The following PRKN variants were observed in gnomAD, a reference collection of about 807,000 sequenced individuals.
The protein encoded by PRKN is parkin RBR E3 ubiquitin protein ligase, also known as E3 ubiquitin-protein ligase parkin.
In PRKN, 56 loss-of-function variants were observed where a neutral mutation model predicts 59.5. The ratio of observed to expected loss-of-function variants is 0.94; its 90% CI spans 0.76 to 1.18. The LOEUF (loss-of-function observed/expected upper bound fraction) is 1.18, where lower values mean the gene tolerates loss of function less well. Among genes scored for constraint, PRKN ranks in the 50% most tolerant of loss-of-function variants. PRKN has a pLI of 0.00. For synonymous variants in PRKN, 250 were observed against 222.1 expected (o/e 1.13, Z -1.12); for missense variants, 657 against 596.4 (o/e 1.10, Z -1.06).
rs189506059 is a variant in PRKN, at chr6:162,449,421, G to A, written c.8-5948C>T. ...ATTTGTGGTGGAACACAAATCTCTAGAACTGCATCTTTGGACTCATAGCTC... is the reference window on the plus strand; with the variant it reads ...ATTTGTGGTGGAACACAAATCTCTAAAACTGCATCTTTGGACTCATAGCTC... On this transcript the variant is annotated intron_variant, in intron 1 of 11. Coordinates refer to ENST00000366898, the MANE Select transcript of PRKN (RefSeq NM_004562.3). Among the ~76,000 whole-genome samples, 366 of 152,214 alleles carry A rather than the reference G, an allele frequency of 2.4e-3. 4 individuals carry two copies. Among genetic ancestry groups the A allele is most frequent in the Admixed American group, 4.9e-3 (75 of 15,282 alleles).
chr6:162,563,467 T>C (rs1002723068), intron 1 of PRKN, among the ~76,000 whole-genome samples: 1 of 152,138 alleles, frequency 6.6e-6, no homozygotes, highest in Non-Finnish European at 1.5e-5. Flanking sequence ...GGGCTTGGGG[T>C]TCCCCCTAAA....
intron 2 of PRKN, among the ~76,000 whole-genome samples, chr6:162,411,791 C>T (rs948535560): frequency 6.6e-6 from 1 of 152,074 alleles, no homozygotes; most frequent in South Asian, 2.1e-4. Context: ...TCAAGGGCCA[C>T]CGTCTTTTTC....
In PRKN at chr6:161,377,481, TA is replaced by T. The variant is rs1785765760; in HGVS notation, c.1167+9312del. ...GGTTCACAATTGAGTTAGCTTAACATACGGCTGCAAGCCAAAAATGCACTGT... is the reference window on the plus strand; with the variant it reads ...GGTTCACAATTGAGTTAGCTTAACATCGGCTGCAAGCCAAAAATGCACTGT... On this transcript the variant is annotated intron_variant, in intron 10 of 11. Coordinates refer to ENST00000366898, the MANE Select transcript of PRKN (RefSeq NM_004562.3). The surrounding 1 kb of genome is among the most constrained non-coding windows in gnomAD (Gnocchi z 4.2). 6.6e-6 allele frequency among the ~76,000 whole-genome samples: 1 copy of T among 152,234 alleles called. No homozygotes were observed. The highest frequency in any genetic ancestry group is 6.5e-5 in the Admixed American group (1 of 15,290).
In PRKN at chr6:161,508,540, G is replaced by T. The variant is rs555296378; in HGVS notation, c.1083+40314C>A. On this transcript the variant is annotated intron_variant, in intron 9 of 11. Transcript: ENST00000366898. ...CCATATTGTAAGATCATTTCCATTTGCTCTGTCCTCAGCAGAGCAGGAAAA... is the reference window on the plus strand; with the variant it reads ...CCATATTGTAAGATCATTTCCATTTTCTCTGTCCTCAGCAGAGCAGGAAAA... Among the ~76,000 whole-genome samples, 3 of 152,172 alleles carry T rather than the reference G, an allele frequency of 2.0e-5. No homozygotes were observed. The South Asian group carries it at 6.2e-4, about 32-fold the overall frequency.
intron 6 of PRKN, among the ~76,000 whole-genome samples, chr6:161,948,883 A>G (rs1779880139): frequency 6.6e-6 from 1 of 152,218 alleles, no homozygotes; most frequent in South Asian, 2.1e-4. Flanking sequence ...TGGGCCTGCC[A>G]TTATCCGTAC....
At chr6:162,297,161 G>C (rs1216777044) in intron 2 of PRKN, among the ~76,000 whole-genome samples, 1 of 146,536 alleles carries the variant, frequency 6.8e-6, no homozygotes, top group African/African-American at 2.5e-5. Flanking sequence ...TCAGATTCTA[G>C]AATTTTTCTT....
chr6:162,490,785 C>T (rs1454545927), intron 1 of PRKN, among the ~76,000 whole-genome samples: 1 of 152,150 alleles, frequency 6.6e-6, no homozygotes, highest in Non-Finnish European at 1.5e-5. Flanking sequence ...TCAGGAAAAG[C>T]GTTGAGAGCA....
chr6:161,644,662 A>G (rs1007265288), intron 7 of PRKN, among the ~76,000 whole-genome samples: 3 of 152,262 alleles, frequency 2.0e-5, no homozygotes, highest in African/African-American at 7.2e-5. Flanking sequence ...GGTTTTGGCT[A>G]AGCCAGGGAA....
intron 5 of PRKN, among the ~76,000 whole-genome samples, chr6:162,021,122 ATATATATATATATATAT>A (rs1562465309): frequency 0.029 from 95 of 3,272 alleles, 6 homozygotes; most frequent in African/African-American, 0.065. Context: ...ACAAAAACAT[ATATATATATATATATAT>A]ATATATATAT....
intron 4 of PRKN, among the ~76,000 whole-genome samples, chr6:162,174,602 T>A (rs1284264625): frequency 6.6e-6 from 1 of 152,224 alleles, no homozygotes; most frequent in Non-Finnish European, 1.5e-5. Context: ...ATTTATATAA[T>A]CATTTATCCA....
rs1170029807 is a variant in PRKN at position 161,397,008 on chromosome 6, G to A, written c.1084-10131C>T. Among the ~76,000 whole-genome samples the A allele has an allele frequency of 6.6e-6, 1 of 152,148 alleles. No individual in the cohort carries two copies. Among genetic ancestry groups the A allele is most frequent in the Non-Finnish European group, 1.5e-5 (1 of 68,034 alleles). ...GAGCAGTCTCATAGGTGCCCTGCAGGTATACCTGTTCTGGCCCCTTTCCCC... is the reference window on the plus strand; with the variant it reads ...GAGCAGTCTCATAGGTGCCCTGCAGATATACCTGTTCTGGCCCCTTTCCCC... On this transcript the variant is annotated intron_variant, in intron 9 of 11. Transcript: ENST00000366898. The surrounding 1 kb of genome is among the most constrained non-coding windows in gnomAD (Gnocchi z 4.2).
rs527657596 is a variant in PRKN at position 161,378,726 on chromosome 6, C to T, written c.1167+8068G>A. 3.3e-5 allele frequency among the ~76,000 whole-genome samples: 5 copies of T among 152,288 alleles called. No homozygotes were observed. Among genetic ancestry groups the T allele is most frequent in the South Asian group, 2.1e-4 (1 of 4,818 alleles). On this transcript the variant is annotated intron_variant, in intron 10 of 11. Coordinates refer to ENST00000366898, the MANE Select transcript of PRKN (RefSeq NM_004562.3). This position sits in a 1 kb window ranked among gnomAD's most constrained non-coding sequence, Gnocchi z 7.3. ...ATGAGACGGATGGACCAGGCTTGCACGATGCCGCTGGAGCTGCACTGTGAT... is the reference window on the plus strand; with the variant it reads ...ATGAGACGGATGGACCAGGCTTGCATGATGCCGCTGGAGCTGCACTGTGAT...
chr6:162,650,988 A>T (rs1444474125), intron 1 of PRKN, among the ~76,000 whole-genome samples: 2 of 152,164 alleles, frequency 1.3e-5, no homozygotes, highest in Non-Finnish European at 2.9e-5. Flanking sequence ...TGAGAGGTCG[A>T]GAAGATCTAA....
intron 1 of PRKN, among the ~76,000 whole-genome samples, chr6:162,721,439 C>T (rs377752920): frequency 2.0e-5 from 3 of 152,166 alleles, no homozygotes; most frequent in Non-Finnish European, 4.4e-5. Flanking sequence ...TCCTCCCTAT[C>T]GCCAACTTTA....
chr6:161,748,611 T>A (rs1788538095), intron 7 of PRKN, among the ~76,000 whole-genome samples: 1 of 152,176 alleles, frequency 6.6e-6, no homozygotes, highest in African/African-American at 2.4e-5. Context: ...GGCTTTCTCA[T>A]CTTGGTCCAG....
intron 1 of PRKN, among the ~76,000 whole-genome samples, chr6:162,490,030 T>C (rs1012641056): frequency 4.6e-5 from 7 of 152,170 alleles, no homozygotes; most frequent in African/African-American, 1.7e-4. Flanking sequence ...TATTGTCCCA[T>C]TGTAGAGATG....
intron 2 of PRKN, among the ~76,000 whole-genome samples, chr6:162,381,607 ACAC>A (rs1390470815): frequency 6.6e-6 from 1 of 152,180 alleles, no homozygotes; most frequent in Admixed American, 6.5e-5. Flanking sequence ...TTAATATTAA[ACAC>A]CACAATACTC....
intron 7 of PRKN, among the ~76,000 whole-genome samples, chr6:161,631,796 C>CCCA (rs1562570580): frequency 1.5e-4 from 22 of 150,634 alleles, no homozygotes; most frequent in Non-Finnish European, 2.5e-4. Flanking sequence ...CACACACACC[C>CCCA]CACACACACA....
intron 2 of PRKN, among the ~76,000 whole-genome samples, chr6:162,298,512 TTA>T (rs1177005648): frequency 6.6e-6 from 1 of 151,792 alleles, no homozygotes; most frequent in East Asian, 1.9e-4. Flanking sequence ...AATTACAGGG[TTA>T]TGTTTCCCTG....
Sources: allele counts gnomAD v4.1 joint callset (sites outside exome capture counted in the v4.1 genomes callset), GRCh38; gene constraint gnomAD v4.1.1; non-coding constraint Gnocchi (gnomAD v3.1); transcripts MANE v1.5; gene names NCBI Gene and HGNC (gene_info 2026-07-23, HGNC 2026-07-21).